Variants in LRRC8A observed in about 807,000 individuals in gnomAD.
LRRC8A encodes the protein volume-regulated anion channel subunit LRRC8A.
In LRRC8A, 24 loss-of-function variants were observed where a neutral mutation model predicts 52.5. The observed-to-expected ratio is 0.46, with a 90% CI of 0.33 to 0.64. The LOEUF (loss-of-function observed/expected upper bound fraction) is 0.64, where lower values mean the gene tolerates loss of function less well. Ranked by LOEUF, LRRC8A falls within the 30% of genes least tolerant of loss-of-function variation. LRRC8A has a pLI of 0.02. For missense variants in LRRC8A, 677 were observed against 1,094.7 expected, an observed-to-expected ratio of 0.62 and a Z score of 5.38; for synonymous variants, 492 against 494.2, an observed-to-expected ratio of 1.00 and a Z score of 0.06.
rs1840279501 is a variant in LRRC8A, at chr9:128,907,047, G to A, written c.-8-110G>A. 1.6e-5 allele frequency: 15 copies of A among 931,758 alleles called. 1 individual carries two copies. The South Asian group carries it at 2.4e-4, about 15-fold the overall frequency. The allele number at this position is 931,758 out of a possible 1,614,324, so 57.7% of individuals were successfully genotyped here. The stretch of plus-strand genomic sequence containing the variant: ...GGCTTTGGCTCCCAGCTAGATTTGA[G>A]GTGGAATTTTGGACAATGGAAGAAT... On this transcript the variant is annotated intron_variant, in intron 2 of 3. Coordinates refer to ENST00000372600, the MANE Select transcript of LRRC8A (RefSeq NM_019594.4). The surrounding 1 kb of genome is among the most constrained non-coding windows in gnomAD (Gnocchi z 9.3).
At chr9:128,903,540 G>A (rs1840113357) in intron 2 of LRRC8A, among the ~76,000 whole-genome samples, 1 of 151,410 alleles carries the variant, frequency 6.6e-6, no homozygotes, top group Non-Finnish European at 1.5e-5. Context: ...AGCCTTCCAA[G>A]CAGCTGGGAC....
At position 128,916,410 on chromosome 9, in the gene LRRC8A, C is replaced by T. The variant is rs1406048125; in HGVS notation, c.*39C>T. 5.1e-6 allele frequency: 8 copies of T among 1,581,688 alleles called. No individual in the cohort carries two copies. Among genetic ancestry groups the T allele is most frequent in the Admixed American group, 3.4e-5 (2 of 58,558 alleles). ...AGCACAGCAAGCAGCAGGACCGCTG[C>T]CCAGTCCTCAGGCCCGGAGGGGCAG... On this transcript the variant is annotated 3_prime_UTR_variant, in exon 4 of 4. Transcript: ENST00000372600. This position sits in a 1 kb window ranked among gnomAD's most constrained non-coding sequence, Gnocchi z 6.1.
intron 2 of LRRC8A, among the ~76,000 whole-genome samples, chr9:128,891,811 C>T (rs1033756827): frequency 9.2e-5 from 14 of 152,016 alleles, no homozygotes; most frequent in Middle Eastern, 3.4e-3. Context: ...CAGGTGGGTC[C>T]GGGAGGCCTG....
Position 128,908,189 on chromosome 9 carries a change from G to A in LRRC8A, c.1025G>A (p.Trp342Ter), listed in dbSNP as rs1270006101. ...YGLICMYTLW[W>*]MLRRSLKKYS... ...CTCATCTGCATGTATACACTGTGGTGGATGCTACGGCGCTCCCTCAAGAAG... is the reference window on the plus strand; with the variant it reads ...CTCATCTGCATGTATACACTGTGGTAGATGCTACGGCGCTCCCTCAAGAAG... Residue 342 changes from tryptophan (W) to a stop codon, truncating the protein, a stop_gained, in exon 3 of 4, where the codon TGG becomes TAG. Coordinates refer to ENST00000372600, the MANE Select transcript of LRRC8A (RefSeq NM_019594.4). LOFTEE classifies it high-confidence loss of function. 1.2e-6 allele frequency: 2 copies of A among 1,613,892 alleles called. No individual in the cohort carries two copies. The highest frequency in any genetic ancestry group is 1.7e-6 in the Non-Finnish European group (2 of 1,180,038).
In LRRC8A at chr9:128,911,406, T is replaced by C. The variant is rs1588227705; in HGVS notation, c.2157+2085T>C. ...GTAGTTTCGGGACAGGCCCACTGAATAGGAAAACTGGAGTCCCCTGGGGAG... is the reference window on the plus strand; with the variant it reads ...GTAGTTTCGGGACAGGCCCACTGAACAGGAAAACTGGAGTCCCCTGGGGAG... On this transcript the variant is annotated intron_variant, in intron 3 of 3. Coordinates refer to ENST00000372600, the MANE Select transcript of LRRC8A (RefSeq NM_019594.4). The surrounding 1 kb of genome is among the most constrained non-coding windows in gnomAD (Gnocchi z 4.9). Among the ~76,000 whole-genome samples the C allele has an allele frequency of 6.6e-6, 1 of 152,154 alleles. No homozygotes were observed. The highest frequency in any genetic ancestry group is 2.4e-5 in the African/African-American group (1 of 41,416).
chr9:128,893,414 C>T (rs1388876644), intron 2 of LRRC8A, among the ~76,000 whole-genome samples: 1 of 152,210 alleles, frequency 6.6e-6, no homozygotes, highest in Non-Finnish European at 1.5e-5. Context: ...TCACGATAAC[C>T]CATTTCACAG....
At chr9:128,895,199 C>T (rs1839776739) in intron 2 of LRRC8A, among the ~76,000 whole-genome samples, 1 of 152,102 alleles carries the variant, frequency 6.6e-6, no homozygotes, top group African/African-American at 2.4e-5. Flanking sequence ...TACACATCTA[C>T]AAGGAAGGTG....
rs766265457 is a variant in LRRC8A, at chr9:128,916,396, C to T, written c.*25C>T. On this transcript the variant is annotated 3_prime_UTR_variant, in exon 4 of 4. Transcript: ENST00000372600. This position sits in a 1 kb window ranked among gnomAD's most constrained non-coding sequence, Gnocchi z 6.1. ...AGCGAGGCCGGCCCAGCACAGCAAG[C>T]AGCAGGACCGCTGCCCAGTCCTCAG... is the stretch of plus-strand genomic sequence containing the variant. 1.9e-6 allele frequency: 3 copies of T among 1,594,280 alleles called. No homozygotes were observed. The highest frequency in any genetic ancestry group is 1.7e-6 in the Non-Finnish European group (2 of 1,168,784).
Position 128,892,390 on chromosome 9 carries a change from G to A in LRRC8A, c.-9+6269G>A, listed in dbSNP as rs531180017. ...CCTGTTGCCTTTCACCCTAGAAGGC[G>A]GGCCACGCCCTTGCAAGTTGGTGTG... On this transcript the variant is annotated intron_variant, in intron 2 of 3. Coordinates refer to ENST00000372600, the MANE Select transcript of LRRC8A (RefSeq NM_019594.4). This position sits in a 1 kb window ranked among gnomAD's most constrained non-coding sequence, Gnocchi z 5.2. Among the ~76,000 whole-genome samples the A allele has an allele frequency of 6.6e-6, 1 of 152,274 alleles. No homozygotes were observed. The highest frequency in any genetic ancestry group is 2.4e-5 in the African/African-American group (1 of 41,566).
rs115938951 is a variant in LRRC8A, at chr9:128,895,730, A to G, written c.-9+9609A>G. On this transcript the variant is annotated intron_variant, in intron 2 of 3. Transcript: ENST00000372600. Reference sequence around the variant, plus strand: ...GCAGGGTCCTCAGGGGCTGAGGAGCAGCAGCTGGTAGGAGGAGCTGCCTCT... The same window carrying G: ...GCAGGGTCCTCAGGGGCTGAGGAGCGGCAGCTGGTAGGAGGAGCTGCCTCT... 4.3e-3 allele frequency among the ~76,000 whole-genome samples: 649 copies of G among 152,304 alleles called. 4 individuals carry two copies. Among genetic ancestry groups the G allele is most frequent in the African/African-American group, 0.015 (606 of 41,560 alleles).
rs986327012 is a variant in LRRC8A at position 128,917,397 on chromosome 9, A to G, written c.*1026A>G. 4 of 152,496 alleles carry G rather than the reference A, an allele frequency of 2.6e-5. No homozygotes were observed. Among genetic ancestry groups the G allele is most frequent in the African/African-American group, 9.7e-5 (4 of 41,398 alleles). The allele number at this position is 152,496 out of a possible 1,614,324, so 9.4% of individuals were successfully genotyped here. On this transcript the variant is annotated 3_prime_UTR_variant, in exon 4 of 4. Coordinates refer to ENST00000372600, the MANE Select transcript of LRRC8A (RefSeq NM_019594.4). The stretch of plus-strand genomic sequence containing the variant: ...TTTCTGTGGCTGTCGGCCAGAGGGA[A>G]TGTTCTGGAGCTGCCAAGGAGGGAG...
rs753242085 is a variant in LRRC8A at position 128,909,290 on chromosome 9, A to G, written c.2126A>G (p.Asn709Ser). ...FLPADIGLLQ[N>S]LQNLAITANR... Reference sequence around the variant, plus strand: ...CCTGCCGACATCGGCCTCCTGCAGAACCTCCAGAACCTAGCCATCACGGCC... The same window carrying G: ...CCTGCCGACATCGGCCTCCTGCAGAGCCTCCAGAACCTAGCCATCACGGCC... Residue 709 changes from asparagine to serine, a missense_variant, in exon 3 of 4, where the codon AAC (asparagine) becomes AGC (serine). This residue lies in a region of LRRC8A where 169 missense variants were observed against 217.6 expected (regional missense o/e 0.78). Coordinates refer to ENST00000372600, the MANE Select transcript of LRRC8A (RefSeq NM_019594.4). 17 of 1,613,516 alleles carry G rather than the reference A, an allele frequency of 1.1e-5. No individual in the cohort carries two copies. The highest frequency in any genetic ancestry group is 2.2e-5 in the East Asian group (1 of 44,876).
intron 1 of LRRC8A, among the ~76,000 whole-genome samples, chr9:128,884,190 T>C (rs1430941011): frequency 2.0e-5 from 3 of 152,178 alleles, no homozygotes; most frequent in Non-Finnish European, 1.5e-5. Context: ...CCTGGGTTGC[T>C]GCCTGGCTTG....
At chr9:128,896,798 C>T (rs555149244) in intron 2 of LRRC8A, among the ~76,000 whole-genome samples, 6 of 152,088 alleles carry the variant, frequency 3.9e-5, no homozygotes, top group African/African-American at 9.6e-5. Context: ...GTCTGCTCAC[C>T]GCAACCTCCG....
At position 128,909,227 on chromosome 9, in the gene LRRC8A, G is replaced by A; in HGVS notation, c.2063G>A (p.Arg688His). The A allele has an allele frequency of 3.1e-6, 5 of 1,614,098 alleles. No individual in the cohort carries two copies. Among genetic ancestry groups the A allele is most frequent in the East Asian group, 2.2e-5 (1 of 44,892 alleles). Residue 688 changes from arginine (R) to histidine (H), a missense_variant, in exon 3 of 4, where the codon CGC becomes CAC. By Grantham distance (29) the Arg-to-His change is conservative. Coordinates refer to ENST00000372600, the MANE Select transcript of LRRC8A (RefSeq NM_019594.4). ...CAGCTCTTCTACTGCCGCAAGCTGC[G>A]CTACCTGGACCTCAGCCACAACAAC... ...PTQLFYCRKLRYLDLSHNNLT... is the reference protein window; with the variant it reads ...PTQLFYCRKLHYLDLSHNNLT...
At chr9:128,905,545 G>A (rs1840212349) in intron 2 of LRRC8A, among the ~76,000 whole-genome samples, 1 of 151,938 alleles carries the variant, frequency 6.6e-6, no homozygotes, top group South Asian at 2.1e-4. Flanking sequence ...AAAGTTATGT[G>A]TTAAAAATCA....
intron 2 of LRRC8A, among the ~76,000 whole-genome samples, chr9:128,895,331 G>A (rs1028315348): frequency 6.6e-6 from 1 of 152,092 alleles, no homozygotes; most frequent in Non-Finnish European, 1.5e-5. Context: ...CCTGGGCCAC[G>A]GAGCAAAGCA....
intron 2 of LRRC8A, among the ~76,000 whole-genome samples, chr9:128,895,712 C>G (rs113007253): frequency 1.6e-4 from 24 of 152,144 alleles, no homozygotes; most frequent in African/African-American, 5.8e-4. Context: ...TCTGCAGGGT[C>G]CTCAGGGGCT....
At position 128,908,303 on chromosome 9, in the gene LRRC8A, A is replaced by G. The variant is rs772601634; in HGVS notation, c.1139A>G (p.Asp380Gly). The G allele has an allele frequency of 6.2e-7, 1 of 1,614,064 alleles. No individual in the cohort carries two copies. The change falls in exon 3 of 4, where the codon GAC becomes GGC. Residue 380 changes from aspartate to glycine, a missense_variant. By Grantham distance (94) the Asp-to-Gly change is moderately conservative. Around this residue, in one of 4 missense-constraint regions of LRRC8A, gnomAD observed 422 missense variants for 741.5 expected, o/e 0.57. Transcript: ENST00000372600. The part of the protein sequence containing the change: ...NDFAFMLHLI[D>G]QYDPLYSKRF... The stretch of plus-strand genomic sequence containing the variant: ...TTCGCCTTCATGCTGCACCTCATTG[A>G]CCAATACGACCCGCTCTACTCCAAG...
Sources: allele counts gnomAD v4.1 joint callset (sites outside exome capture counted in the v4.1 genomes callset), GRCh38; gene constraint gnomAD v4.1.1; regional missense constraint gnomAD v4.1.1; non-coding constraint Gnocchi (gnomAD v3.1); transcripts MANE v1.5; gene names NCBI Gene and HGNC (gene_info 2026-07-23, HGNC 2026-07-21).